Variants in RPS6KA5 observed in about 807,000 individuals in gnomAD.
RPS6KA5 encodes ribosomal protein S6 kinase A5.
RPS6KA5 carries 27 observed loss-of-function variants against 85.5 expected under a neutral mutation model. The observed-to-expected ratio is 0.32, with a 90% CI of 0.23 to 0.44. The LOEUF is 0.44. Among genes scored for constraint, RPS6KA5 ranks in the 20% least tolerant of loss-of-function variants. The pLI is 1.00. For synonymous variants in RPS6KA5, 334 were observed against 348.2 expected, an observed-to-expected ratio of 0.96 and a Z score of 0.46; for missense variants, 811 against 980.9, an observed-to-expected ratio of 0.83 and a Z score of 2.31.
chr14:91,005,776 C>T (rs1336094969), intron 1 of RPS6KA5, among the ~76,000 whole-genome samples: 1 of 152,092 alleles, frequency 6.6e-6, no homozygotes, highest in East Asian at 1.9e-4. Flanking sequence ...TCAAACTTCT[C>T]TACAATAATA....
chr14:91,026,419 C>G lies in RPS6KA5; in HGVS notation c.104-25260G>C, dbSNP rs113438227. 4.3e-3 allele frequency among the ~76,000 whole-genome samples: 648 copies of G among 152,064 alleles called. 4 individuals are homozygous for G. The highest frequency in any genetic ancestry group is 0.014 in the African/African-American group (599 of 41,496). On this transcript the variant is annotated intron_variant, in intron 1 of 16. Transcript: ENST00000614987. ...CTAATTTTTTTTTTCCCAGTAGAGA[C>G]GAGGTCTCACAACATTGCTTAGGCT...
chr14:90,978,118 T>C (rs1052962184), intron 3 of RPS6KA5, among the ~76,000 whole-genome samples, 188 bp downstream of exon 3: 4 of 152,146 alleles, frequency 2.6e-5, no homozygotes, highest in Admixed American at 2.0e-4. Flanking sequence ...AATTCTTCCA[T>C]AATGGCATAA....
At chr14:90,930,731 T>C (rs778204588) in intron 5 of RPS6KA5, among the ~76,000 whole-genome samples, 8 of 152,168 alleles carry the variant, frequency 5.3e-5, no homozygotes, top group East Asian at 1.9e-4. Flanking sequence ...AGGACTCTAA[T>C]AGACATTTCT....
At chr14:90,942,084 C>G (rs2037601127) in intron 5 of RPS6KA5, among the ~76,000 whole-genome samples, 1 of 151,974 alleles carries the variant, frequency 6.6e-6, no homozygotes. Context: ...ATTGTATTGT[C>G]CAGTACCCAG....
intron 2 of RPS6KA5, among the ~76,000 whole-genome samples, chr14:90,989,057 C>A (rs1229012460): frequency 6.6e-6 from 1 of 152,068 alleles, no homozygotes; most frequent in Admixed American, 6.6e-5. Flanking sequence ...ATAATCTCTT[C>A]TTATGAGTAA....
In RPS6KA5 at chr14:90,868,500, C is replaced by G. The variant is rs1001888223; in HGVS notation, c.*3574G>C. The stretch of plus-strand genomic sequence containing the variant: ...AATTATTTTGACATAAGTGGCATAT[C>G]AGAATTTAACTTATTTACTTAGATC... On this transcript the variant is annotated 3_prime_UTR_variant, in exon 17 of 17. Transcript: ENST00000614987. 1.3e-5 allele frequency: 2 copies of G among 152,086 alleles called. No individual in the cohort carries two copies. The highest frequency in any genetic ancestry group is 2.9e-5 in the Non-Finnish European group (2 of 67,996). 9.4% of individuals were successfully genotyped at this position (152,086 alleles called of 1,614,324 possible).
intron 5 of RPS6KA5, among the ~76,000 whole-genome samples, chr14:90,927,547 G>C (rs1378625628): frequency 6.6e-6 from 1 of 152,062 alleles, no homozygotes; most frequent in African/African-American, 2.4e-5. Flanking sequence ...CAGAAAGCTG[G>C]AGTATCTTTA....
intron 2 of RPS6KA5, among the ~76,000 whole-genome samples, chr14:90,990,947 C>CA (rs2040281999): frequency 6.6e-6 from 1 of 152,036 alleles, no homozygotes. Context: ...ACCTAGGTGA[C>CA]AAAATCATTT....
chr14:90,955,442 G>A (rs775074545), intron 3 of RPS6KA5, among the ~76,000 whole-genome samples: 4 of 151,818 alleles, frequency 2.6e-5, no homozygotes, highest in African/African-American at 4.8e-5. Flanking sequence ...TTGTGGAGAC[G>A]GGGTCTCACA....
chr14:90,928,210 T>C (rs1163695160), intron 5 of RPS6KA5, among the ~76,000 whole-genome samples: 2 of 151,822 alleles, frequency 1.3e-5, no homozygotes, highest in Non-Finnish European at 2.9e-5. Flanking sequence ...GAGCCACCAC[T>C]CAAAGAAAAA....
At chr14:90,876,276 A>G (rs180949926) in intron 14 of RPS6KA5, among the ~76,000 whole-genome samples, 84 of 152,342 alleles carry the variant, frequency 5.5e-4, no homozygotes, top group Non-Finnish European at 1.6e-4. Flanking sequence ...ATGTTTTTCT[A>G]TTCCATTTCC....
intron 1 of RPS6KA5, among the ~76,000 whole-genome samples, chr14:91,018,321 T>TAATA (rs2041593236): frequency 6.6e-6 from 1 of 152,260 alleles, no homozygotes; most frequent in Non-Finnish European, 1.5e-5. Flanking sequence ...TCTACTGTGA[T>TAATA]GGTTAATAGC....
chr14:90,915,355 C>A (rs773010743), intron 7 of RPS6KA5, among the ~76,000 whole-genome samples: 2 of 152,220 alleles, frequency 1.3e-5, no homozygotes, highest in Middle Eastern at 3.4e-3. Context: ...ATGTCAATTG[C>A]GTGATTAGGT....
At chr14:90,896,315 A>G (rs1267250181) in intron 12 of RPS6KA5, among the ~76,000 whole-genome samples, 1 of 152,234 alleles carries the variant, frequency 6.6e-6, no homozygotes, top group African/African-American at 2.4e-5. Context: ...TCTGTTATTT[A>G]TTCATGATCT....
intron 1 of RPS6KA5, among the ~76,000 whole-genome samples, chr14:91,044,181 C>A (rs1381944583): frequency 6.7e-6 from 1 of 149,946 alleles, no homozygotes; most frequent in South Asian, 2.1e-4. Flanking sequence ...GAGTCGAGAT[C>A]GCGCCATTGC....
intron 1 of RPS6KA5, among the ~76,000 whole-genome samples, chr14:91,011,463 A>G (rs1671886374): frequency 6.6e-6 from 1 of 152,092 alleles, no homozygotes; most frequent in Admixed American, 6.5e-5. Flanking sequence ...TCCAGCTTGA[A>G]GACAGAGTAA....
chr14:91,031,572 G>A (rs1295206463), intron 1 of RPS6KA5, among the ~76,000 whole-genome samples: 3 of 152,076 alleles, frequency 2.0e-5, no homozygotes, highest in Non-Finnish European at 4.4e-5. Context: ...GAACTCATGG[G>A]TTATCTAACC....
At chr14:90,881,434 C>T in intron 14 of RPS6KA5, among the ~76,000 whole-genome samples, 1 of 140,306 alleles carries the variant, frequency 7.1e-6, no homozygotes, top group East Asian at 2.2e-4. Context: ...GCCTGGGCAA[C>T]AAAGCAAGAC....
chr14:90,875,429 T>C (rs1002544379), intron 14 of RPS6KA5, 69 bp from the exon 15 acceptor site: 7 of 1,403,056 alleles, frequency 5.0e-6, no homozygotes, highest in South Asian at 4.0e-5. Flanking sequence ...ATAATCCTAA[T>C]AGTAACGTAA....
Sources: gnomAD v4.1 joint callset for allele counts (sites outside exome capture counted in the v4.1 genomes callset) on GRCh38, gnomAD v4.1.1 for gene constraint, MANE v1.5 for transcripts, NCBI Gene and HGNC (gene_info 2026-07-23, HGNC 2026-07-21) for gene names.